The following KIAA1549L variants were observed in gnomAD, a reference collection of about 807,000 sequenced individuals.
KIAA1549L encodes UPF0606 protein KIAA1549L.
In KIAA1549L, 88 loss-of-function variants were observed where a neutral mutation model predicts 160.7. The observed-to-expected ratio is 0.55, with a 90% CI of 0.46 to 0.65. The LOEUF (loss-of-function observed/expected upper bound fraction) is 0.65. Ranked by LOEUF, KIAA1549L falls within the 30% of genes least tolerant of loss-of-function variation. KIAA1549L has a pLI of 0.00. For missense variants in KIAA1549L, 2,258 were observed against 2,437.5 expected (o/e 0.93, Z 1.55); for synonymous variants, 950 against 976.7 (o/e 0.97, Z 0.51).
intron 20 of KIAA1549L, among the ~76,000 whole-genome samples, chr11:33,664,014 T>C (rs1852355577): frequency 6.6e-6 from 1 of 152,208 alleles, no homozygotes; most frequent in Non-Finnish European, 1.5e-5. Context: ...CCCAATAACC[T>C]GTACCTTCCC....
intron 20 of KIAA1549L, among the ~76,000 whole-genome samples, chr11:33,666,723 A>C (rs1852468466): frequency 6.6e-6 from 1 of 152,200 alleles, no homozygotes; most frequent in Non-Finnish European, 1.5e-5. Flanking sequence ...AAGAGAGAAA[A>C]ATGTTTCAAG....
chr11:33,514,135 T>A (rs1382252588), intron 1 of KIAA1549L, among the ~76,000 whole-genome samples: 1 of 152,182 alleles, frequency 6.6e-6, no homozygotes, highest in Non-Finnish European at 1.5e-5. Flanking sequence ...GATATCTCTT[T>A]GGAGGAATCT....
intron 3 of KIAA1549L, among the ~76,000 whole-genome samples, chr11:33,547,422 T>C (rs919871010): frequency 6.6e-6 from 1 of 152,238 alleles, no homozygotes; most frequent in African/African-American, 2.4e-5. Flanking sequence ...GCTCAGGGCC[T>C]GCACCTAAGG....
chr11:33,559,649 C>T, intron 6 of KIAA1549L, 100 bp from the exon 7 acceptor site: 4 of 911,206 alleles, frequency 4.4e-6, no homozygotes, highest in Admixed American at 4.0e-5. Context: ...TCATTCCTTC[C>T]CTCAACTCCT....
In KIAA1549L at chr11:33,551,206, T is replaced by C; in HGVS notation, c.3668T>C (p.Val1223Ala). Residue 1223 changes from valine to alanine, a missense_variant, in exon 5 of 21, where the codon GTA becomes GCA. Transcript: ENST00000658780. ...ACCCCACACTTACAGTCTGTGGCAG[T>C]ACTTGCCTCCCCATGGAATCCCCAG... is the stretch of plus-strand genomic sequence containing the variant. ...QHTPHLQSVA[V>A]LASPWNPQPA... is the part of the protein sequence containing the mutation. 6 of 1,613,904 alleles carry C rather than the reference T, an allele frequency of 3.7e-6. No homozygotes were observed. The highest frequency in any genetic ancestry group is 5.1e-6 in the Non-Finnish European group (6 of 1,179,882).
intron 14 of KIAA1549L, among the ~76,000 whole-genome samples, chr11:33,607,302 C>T (rs554465148): frequency 6.6e-6 from 1 of 152,060 alleles, no homozygotes; most frequent in African/African-American, 2.4e-5. Flanking sequence ...AAACTTGAAA[C>T]AACTCATTGG....
chr11:33,497,599 T>C (rs190158392), intron 1 of KIAA1549L, among the ~76,000 whole-genome samples: 186 of 152,336 alleles, frequency 1.2e-3, no homozygotes, highest in Non-Finnish European at 2.3e-3. Flanking sequence ...TCTTTTTTAG[T>C]ATATCTGGAA....
intron 1 of KIAA1549L, among the ~76,000 whole-genome samples, chr11:33,480,251 C>T (rs1284028087): frequency 6.6e-6 from 1 of 152,130 alleles, no homozygotes; most frequent in South Asian, 2.1e-4. Flanking sequence ...CTCTCTCAGC[C>T]CCAGGCAACC....
intron 9 of KIAA1549L, among the ~76,000 whole-genome samples, chr11:33,571,421 T>TTGCTATAAAGAAATATCTGAGACTGAG (rs1428868611): frequency 6.6e-6 from 1 of 152,204 alleles, no homozygotes; most frequent in Non-Finnish European, 1.5e-5. Flanking sequence ...CGTTCTTGCA[T>TTGCTATAAAGAAATATCTGAGACTGAG]TGCTATAAAG....
At chr11:33,501,378 T>C (rs915842564) in intron 1 of KIAA1549L, among the ~76,000 whole-genome samples, 3 of 152,224 alleles carry the variant, frequency 2.0e-5, no homozygotes, top group Non-Finnish European at 4.4e-5. Context: ...TCTCTCACTG[T>C]CCAAAGTTGT....
intron 1 of KIAA1549L, among the ~76,000 whole-genome samples, chr11:33,526,042 C>T (rs1853604047): frequency 6.6e-6 from 1 of 152,098 alleles, no homozygotes; most frequent in African/African-American, 2.4e-5. Flanking sequence ...TTTTTCTCTA[C>T]CCACCCTGGT....
chr11:33,565,218 C>A (rs2133227601), intron 8 of KIAA1549L, among the ~76,000 whole-genome samples: 1 of 152,198 alleles, frequency 6.6e-6, no homozygotes, highest in South Asian at 2.1e-4. Flanking sequence ...GGCTAGGGAG[C>A]CTGAGCCTGC....
At chr11:33,430,314 A>G (rs1340047806) in intron 1 of KIAA1549L, among the ~76,000 whole-genome samples, 1 of 139,990 alleles carries the variant, frequency 7.1e-6, no homozygotes, top group Non-Finnish European at 1.5e-5. Flanking sequence ...TATTTTTGGG[A>G]AATGCTTGAA....
At chr11:33,525,599 T>TG (rs1853592922) in intron 1 of KIAA1549L, among the ~76,000 whole-genome samples, 1 of 127,568 alleles carries the variant, frequency 7.8e-6, no homozygotes, top group Non-Finnish European at 1.7e-5. Context: ...GGTCGGGGGG[T>TG]GGGGACAAAT....
At chr11:33,545,407 C>G (rs764193157) in intron 3 of KIAA1549L, 29 bp downstream of exon 3, 337 of 1,577,644 alleles carry the variant, frequency 2.1e-4, no homozygotes, top group Non-Finnish European at 2.8e-4. Flanking sequence ...GATCTGAAAG[C>G]AGCAAGCCTG....
At chr11:33,428,919 A>G (rs776051273) in intron 1 of KIAA1549L, among the ~76,000 whole-genome samples, 5 of 152,202 alleles carry the variant, frequency 3.3e-5, no homozygotes, top group Non-Finnish European at 7.3e-5. Flanking sequence ...TCCCACCAAC[A>G]GTGTAAAAGT....
chr11:33,642,668 G>A (rs1851619992), intron 16 of KIAA1549L, among the ~76,000 whole-genome samples: 1 of 142,560 alleles, frequency 7.0e-6, no homozygotes, highest in Non-Finnish European at 1.5e-5. Context: ...ATCAGAATGA[G>A]TCAGGGTGGA....
chr11:33,393,376 C>G (rs1313264628), intron 1 of KIAA1549L, among the ~76,000 whole-genome samples: 1 of 152,188 alleles, frequency 6.6e-6, no homozygotes, highest in Non-Finnish European at 1.5e-5. Context: ...CCTGGGCCAT[C>G]CTTGAGGTCT....
intron 1 of KIAA1549L, among the ~76,000 whole-genome samples, chr11:33,402,312 G>A (rs2134067382): frequency 6.6e-6 from 1 of 152,288 alleles, no homozygotes; most frequent in Admixed American, 6.5e-5. Context: ...CCTTCACCCT[G>A]CATATCTGAT....
Sources: allele counts gnomAD v4.1 joint callset (sites outside exome capture counted in the v4.1 genomes callset), GRCh38; gene constraint gnomAD v4.1.1; transcripts MANE v1.5; gene names NCBI Gene and HGNC (gene_info 2026-07-23, HGNC 2026-07-21).